VWC2L: variants seen among roughly 807,000 people sequenced by gnomAD.
The protein encoded by VWC2L is von Willebrand factor C domain-containing protein 2-like.
A neutral mutation model predicts 21.6 loss-of-function variants in VWC2L; 10 were observed. The observed-to-expected ratio is 0.46, with a 90% CI of 0.29 to 0.78. The LOEUF is 0.78. VWC2L is among the 30% of genes least tolerant of loss of function. The probability of loss-of-function intolerance (pLI) is 0.10; values close to 1 mark genes in which losing one functional copy is unlikely to be tolerated. For synonymous variants in VWC2L, 96 were observed against 94.3 expected (o/e 1.02, Z -0.10); for missense variants, 209 against 277.1 (o/e 0.75, Z 1.74).
chr2:214,487,737 G>A lies in VWC2L; in HGVS notation c.520+50979G>A, dbSNP rs147079842. 2.3e-4 allele frequency among the ~76,000 whole-genome samples: 35 copies of A among 152,322 alleles called. 1 individual carries two copies. In the East Asian group the frequency reaches 6.2e-3, roughly 27 times the overall value. On this transcript the variant is annotated intron_variant, in intron 3 of 3. Transcript: ENST00000312504. ...GTCCAGCATAAAGAATCGGATGTGA[G>A]TGAAGGTCCCAGGAGAATAGCTGGA... is the stretch of plus-strand genomic sequence containing the variant.
chr2:214,504,856 T>C (rs147623274), intron 3 of VWC2L, among the ~76,000 whole-genome samples: 1 of 152,314 alleles, frequency 6.6e-6, no homozygotes, highest in Non-Finnish European at 1.5e-5. Context: ...ACTCACCCAA[T>C]GTTCCAGGAT....
intron 3 of VWC2L, among the ~76,000 whole-genome samples, chr2:214,564,940 CTTCT>C (rs1574639701): frequency 6.6e-6 from 1 of 152,120 alleles, no homozygotes; most frequent in East Asian, 1.9e-4. Context: ...GCTTCTTTAG[CTTCT>C]TTGTTTTCCT....
chr2:214,541,329 C>G (rs1016602609), intron 3 of VWC2L, among the ~76,000 whole-genome samples: 1 of 152,010 alleles, frequency 6.6e-6, no homozygotes, highest in Non-Finnish European at 1.5e-5. Context: ...TGACATTTAG[C>G]TGTTTCTACA....
intron 3 of VWC2L, among the ~76,000 whole-genome samples, chr2:214,458,418 CTTCTAATTTGTTTAGTCTG>C (rs1433562705): frequency 6.6e-6 from 1 of 151,908 alleles, no homozygotes; most frequent in African/African-American, 2.4e-5. Flanking sequence ...TGTTTTTTAG[CTTCTAATTTGTTTAGTCTG>C]TTCTGATTGT....
chr2:214,559,985 C>A lies in VWC2L; in HGVS notation c.521-15687C>A, dbSNP rs1689941095. On this transcript the variant is annotated intron_variant, in intron 3 of 3. Coordinates refer to ENST00000312504, the MANE Select transcript of VWC2L (RefSeq NM_001080500.4). The stretch of plus-strand genomic sequence containing the variant: ...GAAGTTATATTTCCAGTGCCTGAAA[C>A]AATGGCTGGTACATGGGGAGTAGTT... Among the ~76,000 whole-genome samples, 4 of 152,262 alleles carry A rather than the reference C, an allele frequency of 2.6e-5. No homozygotes were observed. In the South Asian group the frequency reaches 8.3e-4, roughly 32 times the overall value.
intron 2 of VWC2L, among the ~76,000 whole-genome samples, chr2:214,418,710 A>G (rs1373893672): frequency 6.6e-6 from 1 of 152,172 alleles, no homozygotes; most frequent in African/African-American, 2.4e-5. Context: ...CTATAGGATA[A>G]AGAAGTTAGA....
At chr2:214,522,875 C>T (rs1318027630) in intron 3 of VWC2L, among the ~76,000 whole-genome samples, 3 of 151,358 alleles carry the variant, frequency 2.0e-5, no homozygotes, top group African/African-American at 7.4e-5. Flanking sequence ...ACACAATACA[C>T]AGAACAATAC....
At chr2:214,531,712 A>G (rs1689438932) in intron 3 of VWC2L, among the ~76,000 whole-genome samples, 1 of 152,146 alleles carries the variant, frequency 6.6e-6, no homozygotes, top group Non-Finnish European at 1.5e-5. Flanking sequence ...GTGACTGTCC[A>G]GGGGAGCGCC....
chr2:214,490,255 A>G (rs1688727706), intron 3 of VWC2L, among the ~76,000 whole-genome samples: 1 of 152,190 alleles, frequency 6.6e-6, no homozygotes, highest in Non-Finnish European at 1.5e-5. Context: ...ACCACATGGT[A>G]AAACATGACC....
intron 2 of VWC2L, among the ~76,000 whole-genome samples, chr2:214,434,971 C>T (rs1702657205): frequency 6.6e-6 from 1 of 152,056 alleles, no homozygotes; most frequent in Non-Finnish European, 1.5e-5. Context: ...CTTTTTCCCC[C>T]ATACTGGCAG....
Position 214,578,297 on chromosome 2 carries a change from A to G in VWC2L, c.*2477A>G, listed in dbSNP as rs1320046541. ...GCTGAAGTGCAGAAATTTTGCATCA[A>G]AGCATTGGCACAGCGAGAGTCACAG... On this transcript the variant is annotated 3_prime_UTR_variant, in exon 4 of 4. Coordinates refer to ENST00000312504, the MANE Select transcript of VWC2L (RefSeq NM_001080500.4). 6.6e-6 allele frequency: 1 copy of G among 152,184 alleles called. No individual in the cohort carries two copies. Among genetic ancestry groups the G allele is most frequent in the African/African-American group, 2.4e-5 (1 of 41,452 alleles). The allele number at this position is 152,184 out of a possible 1,614,324, so 9.4% of individuals were successfully genotyped here. A position where few individuals can be genotyped will look rare whatever the true frequency, so the allele number is the denominator to read the frequency against.
chr2:214,492,579 G>C (rs1688759939), intron 3 of VWC2L, among the ~76,000 whole-genome samples: 1 of 152,108 alleles, frequency 6.6e-6, no homozygotes, highest in Non-Finnish European at 1.5e-5. Flanking sequence ...ATCTAGGATT[G>C]GTGAGGACGT....
At chr2:214,472,959 T>C (rs1703331175) in intron 3 of VWC2L, among the ~76,000 whole-genome samples, 1 of 152,220 alleles carries the variant, frequency 6.6e-6, no homozygotes, top group African/African-American at 2.4e-5. Context: ...CATTTTTGAA[T>C]GATAAAGCCA....
intron 3 of VWC2L, among the ~76,000 whole-genome samples, chr2:214,476,096 CAGGACATG>C (rs1236274667): frequency 6.6e-6 from 1 of 152,110 alleles, no homozygotes; most frequent in African/African-American, 2.4e-5. Flanking sequence ...ATGTGTTATC[CAGGACATG>C]AGGCCTCCTT....
intron 3 of VWC2L, among the ~76,000 whole-genome samples, chr2:214,487,133 C>T (rs1290942804): frequency 6.6e-6 from 1 of 152,000 alleles, no homozygotes; most frequent in Non-Finnish European, 1.5e-5. Flanking sequence ...AGGGAGACCT[C>T]AAAAGAATCC....
At chr2:214,450,272 T>G (rs557327414) in intron 3 of VWC2L, among the ~76,000 whole-genome samples, 4 of 152,266 alleles carry the variant, frequency 2.6e-5, no homozygotes, top group African/African-American at 9.6e-5. Context: ...GTACTTACAG[T>G]AAGTGCAAGA....
intron 3 of VWC2L, among the ~76,000 whole-genome samples, chr2:214,499,113 G>A (rs901733018): frequency 6.9e-6 from 1 of 145,076 alleles, no homozygotes; most frequent in African/African-American, 2.6e-5. Context: ...CTGCCTCCCA[G>A]GTTCAAGCAA....
chr2:214,419,401 TTTC>T (rs1702401168), intron 2 of VWC2L, among the ~76,000 whole-genome samples: 1 of 152,182 alleles, frequency 6.6e-6, no homozygotes, highest in Non-Finnish European at 1.5e-5. Flanking sequence ...GAAGAAATAA[TTTC>T]TTATTTTGCT....
At chr2:214,514,584 C>G (rs1689110580) in intron 3 of VWC2L, among the ~76,000 whole-genome samples, 1 of 152,100 alleles carries the variant, frequency 6.6e-6, no homozygotes, top group South Asian at 2.1e-4. Flanking sequence ...GCCAAGCAGA[C>G]AGTATAGTAA....
Sources: gnomAD v4.1 joint callset for allele counts (sites outside exome capture counted in the v4.1 genomes callset) on GRCh38, gnomAD v4.1.1 for gene constraint, MANE v1.5 for transcripts, NCBI Gene and HGNC (gene_info 2026-07-23, HGNC 2026-07-21) for gene names.